The following B3GALT1 variants were observed in gnomAD, a reference collection of about 807,000 sequenced individuals.
The protein encoded by B3GALT1 is beta-1,3-galactosyltransferase 1, also known as UDP-Gal:betaGlcNAc beta 1,3-galactosyltransferase, polypeptide 1.
A neutral mutation model predicts 23.2 loss-of-function variants in B3GALT1; 10 were observed. The ratio of observed to expected loss-of-function variants is 0.43; its 90% CI spans 0.27 to 0.73. B3GALT1 has a LOEUF of 0.73. Ranked by LOEUF, B3GALT1 falls within the 30% of genes least tolerant of loss-of-function variation. The pLI is 0.21. For missense variants in B3GALT1, 299 were observed against 405.4 expected (o/e 0.74, Z 2.25); for synonymous variants, 156 against 141.5 (o/e 1.10, Z -0.73).
intron 2 of B3GALT1, among the ~76,000 whole-genome samples, chr2:167,547,693 C>CAAAAAAAA (rs71031296): frequency 0.049 from 3,695 of 74,884 alleles, 182 homozygotes; most frequent in African/African-American, 0.12. Context: ...GACTCTGTCT[C>CAAAAAAAA]AAAAAAAAAA....
intron 3 of B3GALT1, among the ~76,000 whole-genome samples, chr2:167,677,742 T>A (rs1454774370): frequency 6.6e-6 from 1 of 152,178 alleles, no homozygotes; most frequent in Non-Finnish European, 1.5e-5. Flanking sequence ...TATAAGGACC[T>A]ACCCAAGACT....
At chr2:167,667,526 G>A (rs1258796713) in intron 3 of B3GALT1, among the ~76,000 whole-genome samples, 1 of 152,124 alleles carries the variant, frequency 6.6e-6, no homozygotes, top group Non-Finnish European at 1.5e-5. Flanking sequence ...AGTTCTCCTG[G>A]ATAATATCCT....
intron 1 of B3GALT1, among the ~76,000 whole-genome samples, chr2:167,429,076 G>A (rs577220914): frequency 2.0e-5 from 3 of 151,886 alleles, no homozygotes; most frequent in East Asian, 1.9e-4. Flanking sequence ...TCAGGAGATC[G>A]AGACCATCCT....
intron 1 of B3GALT1, among the ~76,000 whole-genome samples, chr2:167,454,885 A>G (rs933827688): frequency 2.0e-5 from 3 of 152,124 alleles, no homozygotes; most frequent in African/African-American, 7.2e-5. Context: ...TTTCCAGCCA[A>G]TGTTTGGGCC....
chr2:167,528,212 T>TG (rs1683254887), intron 2 of B3GALT1, among the ~76,000 whole-genome samples: 1 of 152,186 alleles, frequency 6.6e-6, no homozygotes, highest in Admixed American at 6.5e-5. Context: ...TTGACTTTCC[T>TG]GCTCTTTGTG....
intron 1 of B3GALT1, among the ~76,000 whole-genome samples, chr2:167,353,627 T>C (rs2689829): frequency 0.83 from 126,632 of 152,028 alleles, 53,401 homozygotes; most frequent in East Asian, 0.95. Flanking sequence ...GATAATACTT[T>C]TTATTATGTA....
chr2:167,452,241 T>C (rs998373134), intron 1 of B3GALT1, among the ~76,000 whole-genome samples: 2 of 152,138 alleles, frequency 1.3e-5, no homozygotes, highest in Non-Finnish European at 2.9e-5. Flanking sequence ...TCAAAATTGT[T>C]ACAAAGTTCA....
At chr2:167,865,749 A>G (rs762581108) in intron 4 of B3GALT1, among the ~76,000 whole-genome samples, 1 of 152,162 alleles carries the variant, frequency 6.6e-6, no homozygotes, top group African/African-American at 2.4e-5. Flanking sequence ...CCGAGATTGC[A>G]CCACTGCACT....
chr2:167,717,541 C>T (rs1326838756), intron 3 of B3GALT1, among the ~76,000 whole-genome samples: 1 of 151,950 alleles, frequency 6.6e-6, no homozygotes, highest in African/African-American at 2.4e-5. Flanking sequence ...GTCGCCACAC[C>T]TGTCCTCATA....
At chr2:167,323,026 T>A (rs1315236436) in intron 1 of B3GALT1, among the ~76,000 whole-genome samples, 1 of 152,076 alleles carries the variant, frequency 6.6e-6, no homozygotes, top group African/African-American at 2.4e-5. Flanking sequence ...TCATTATGTC[T>A]AAAACAATGC....
intron 2 of B3GALT1, among the ~76,000 whole-genome samples, chr2:167,565,462 C>G (rs553251983): frequency 1.1e-4 from 16 of 152,322 alleles, no homozygotes; most frequent in African/African-American, 3.9e-4. Flanking sequence ...AACTTCATGT[C>G]TAAAACACCA....
chr2:167,833,112 G>GT (rs1260199122), intron 4 of B3GALT1, among the ~76,000 whole-genome samples: 3 of 152,324 alleles, frequency 2.0e-5, no homozygotes, highest in African/African-American at 7.2e-5. Flanking sequence ...GAACATGCCT[G>GT]TTTATCAGAG....
chr2:167,548,017 T>C (rs1260059511), intron 2 of B3GALT1, among the ~76,000 whole-genome samples: 1 of 152,234 alleles, frequency 6.6e-6, no homozygotes, highest in Non-Finnish European at 1.5e-5. Flanking sequence ...ATCTAATCTT[T>C]TAAATGTTAA....
chr2:167,868,405 C>T (rs145846744), intron 4 of B3GALT1, among the ~76,000 whole-genome samples: 4 of 150,804 alleles, frequency 2.7e-5, no homozygotes, highest in Non-Finnish European at 5.9e-5. Context: ...AACTCAGACT[C>T]GGAAACTGGA....
intron 3 of B3GALT1, among the ~76,000 whole-genome samples, chr2:167,651,022 T>A (rs1446347543): frequency 6.6e-6 from 1 of 152,094 alleles, no homozygotes; most frequent in Non-Finnish European, 1.5e-5. Context: ...GATGTTAGAT[T>A]TGACCTTTCA....
At position 167,350,612 on chromosome 2, in the gene B3GALT1, A is replaced by C. The variant is rs76930283; in HGVS notation, c.-511+57278A>C. 4.6e-5 allele frequency among the ~76,000 whole-genome samples: 7 copies of C among 152,266 alleles called. No individual in the cohort carries two copies. In the East Asian group the frequency reaches 1.2e-3, roughly 25 times the overall value. On this transcript the variant is annotated intron_variant, in intron 1 of 4. Transcript: ENST00000392690. Reference sequence around the variant, plus strand: ...CCAGCGTATGAAAACTTTTCTGGAAAATGCTTAGGTATGCATGCAACAGTG... The same window carrying C: ...CCAGCGTATGAAAACTTTTCTGGAACATGCTTAGGTATGCATGCAACAGTG...
intron 4 of B3GALT1, among the ~76,000 whole-genome samples, chr2:167,844,348 C>T (rs1689710739): frequency 1.3e-5 from 2 of 152,248 alleles, no homozygotes; most frequent in East Asian, 1.9e-4. Context: ...CCAGAAATCC[C>T]GAGAGGACCC....
intron 3 of B3GALT1, among the ~76,000 whole-genome samples, chr2:167,725,869 A>C (rs867637015): frequency 2.0e-5 from 3 of 152,336 alleles, no homozygotes; most frequent in Middle Eastern, 3.4e-3. Flanking sequence ...CCCTAAGTCA[A>C]ACCAATTAAA....
At chr2:167,331,383 T>C (rs1239829255) in intron 1 of B3GALT1, among the ~76,000 whole-genome samples, 6 of 152,094 alleles carry the variant, frequency 3.9e-5, no homozygotes, top group African/African-American at 9.7e-5. Flanking sequence ...GGGCGGATGG[T>C]TTCCCAAGTC....
Sources: allele counts gnomAD v4.1 joint callset (sites outside exome capture counted in the v4.1 genomes callset), GRCh38; gene constraint gnomAD v4.1.1; transcripts MANE v1.5; gene names NCBI Gene and HGNC (gene_info 2026-07-23, HGNC 2026-07-21).